PTPRG: variants seen among roughly 807,000 people sequenced by gnomAD.
PTPRG encodes receptor-type tyrosine-protein phosphatase gamma.
Under a neutral mutation model 165.3 loss-of-function variants are expected in PTPRG, and 102 were observed. The ratio of observed to expected loss-of-function variants is 0.62; its 90% CI spans 0.53 to 0.73. The LOEUF (loss-of-function observed/expected upper bound fraction) is 0.73, where lower values mean the gene tolerates loss of function less well. PTPRG is among the 30% of genes least tolerant of loss of function. The pLI is 0.00. For missense variants in PTPRG, 1,866 were observed against 1,861.4 expected, an observed-to-expected ratio of 1.00 and a Z score of -0.05; for synonymous variants, 675 against 669.5, an observed-to-expected ratio of 1.01 and a Z score of -0.13.
chr3:62,168,767 C>T (rs145963971), intron 8 of PTPRG, among the ~76,000 whole-genome samples: 16 of 152,284 alleles, frequency 1.1e-4, no homozygotes, highest in African/African-American at 3.8e-4. Flanking sequence ...TCAGCCTTGC[C>T]GTCTGTGGAC....
Position 62,255,207 on chromosome 3 carries a change from G to A in PTPRG, c.2551G>A (p.Asp851Asn). 1 of 1,611,030 alleles carries A rather than the reference G, an allele frequency of 6.2e-7. No individual in the cohort carries two copies. Among genetic ancestry groups the A allele is most frequent in the Non-Finnish European group, 8.5e-7 (1 of 1,178,298 alleles). Residue 851 changes from aspartate (D) to asparagine (N), a missense_variant, in exon 16 of 30, where the codon GAT (aspartate) becomes AAT (asparagine). By Grantham distance (23) the Asp-to-Asn change is conservative (BLOSUM62 1). Transcript: ENST00000474889. The surrounding 1 kb of genome is among the most constrained non-coding windows in gnomAD (Gnocchi z 4.0). Reference sequence around the variant, plus strand: ...TAATAACCAGCATGGGTTCTCTGAGGATTTTGAGGTATGTTTCAAGGCTGG... The same window carrying A: ...TAATAACCAGCATGGGTTCTCTGAGAATTTTGAGGTATGTTTCAAGGCTGG... Reference protein sequence around the residue: ...YSNNQHGFSEDFEEVQRCTAD... With the variant: ...YSNNQHGFSENFEEVQRCTAD...
chr3:61,699,639 G>A (rs1312426105), intron 1 of PTPRG, among the ~76,000 whole-genome samples: 2 of 152,170 alleles, frequency 1.3e-5, no homozygotes, highest in East Asian at 3.8e-4. Flanking sequence ...TCATGTGGTA[G>A]GTGTTTATGA....
chr3:61,876,401 G>T (rs662143), intron 2 of PTPRG, among the ~76,000 whole-genome samples: 64,111 of 152,006 alleles, frequency 0.42, 14,706 homozygotes, highest in East Asian at 0.61. Flanking sequence ...TCATTCAGTT[G>T]ATGAGTTAAT....
chr3:61,702,022 A>T (rs1427335040), intron 1 of PTPRG, among the ~76,000 whole-genome samples: 1 of 152,178 alleles, frequency 6.6e-6, no homozygotes, highest in Non-Finnish European at 1.5e-5. Context: ...TCTGTTGCCC[A>T]GGCTGGAGTG....
chr3:62,289,774 A>G (rs1406809312), intron 28 of PTPRG, among the ~76,000 whole-genome samples: 1 of 146,048 alleles, frequency 6.8e-6, no homozygotes, highest in African/African-American at 2.5e-5. Context: ...TATTTACCAG[A>G]TGTATATTAG....
intron 2 of PTPRG, among the ~76,000 whole-genome samples, chr3:61,757,661 A>T (rs200369211): frequency 6.6e-6 from 1 of 152,240 alleles, no homozygotes; most frequent in Non-Finnish European, 1.5e-5. Context: ...TAAGGTCAAT[A>T]TTTACTTTGA....
intron 2 of PTPRG, among the ~76,000 whole-genome samples, chr3:61,959,079 T>C (rs536475992): frequency 6.6e-6 from 1 of 152,240 alleles, no homozygotes; most frequent in Non-Finnish European, 1.5e-5. Context: ...TCAGTCTGAT[T>C]ATCAAGCTTT....
In PTPRG at chr3:61,939,928, CTTTTTTTTTTTTTTTTT is replaced by C. The variant is rs561334410; in HGVS notation, c.191-49677_191-49661del. On this transcript the variant is annotated intron_variant, in intron 2 of 29. Coordinates refer to ENST00000474889, the MANE Select transcript of PTPRG (RefSeq NM_002841.4). ...TGTCTTGGCTTCCTTACTGACTTGT[CTTTTTTTTTTTTTTTTT>C]TTTTTTTTTTTTTTTTTTTGAGACA... is the stretch of plus-strand genomic sequence containing the variant. Among the ~76,000 whole-genome samples the C allele has an allele frequency of 5.2e-3, 204 of 39,142 alleles. 3 individuals carry two copies. Among genetic ancestry groups the C allele is most frequent in the South Asian group, 0.013 (8 of 614 alleles). 25.7% of individuals were successfully genotyped at this position (39,142 alleles called of 152,430 possible). A position where few individuals can be genotyped will look rare whatever the true frequency, so the allele number is the denominator to read the frequency against.
chr3:61,787,910 A>G (rs1345417936), intron 2 of PTPRG, among the ~76,000 whole-genome samples: 1 of 152,160 alleles, frequency 6.6e-6, no homozygotes, highest in Admixed American at 6.5e-5. Context: ...TTATTCCCTC[A>G]AGGATATCGT....
chr3:61,687,121 A>G (rs774201367), intron 1 of PTPRG, among the ~76,000 whole-genome samples: 37 of 152,208 alleles, frequency 2.4e-4, no homozygotes, highest in Non-Finnish European at 1.0e-4. Context: ...CTACCCTGAA[A>G]TGAAACCAAG....
chr3:62,293,235 A>G lies in PTPRG; in HGVS notation c.4266A>G (p.Thr1422=), dbSNP rs767399917. 6.2e-7 allele frequency: 1 copy of G among 1,612,170 alleles called. No homozygotes were observed. Residue 1422 remains threonine (T), a synonymous_variant, in exon 30 of 30, where the codon ACA becomes ACG. Transcript: ENST00000474889. ...STKENGNGPM[T]VDKNGAVLIA... ...AAGAAAATGGAAATGGTCCCATGACAGTAGACAAAAATGGTGCTGTTCTTA... is the reference window on the plus strand; with the variant it reads ...AAGAAAATGGAAATGGTCCCATGACGGTAGACAAAAATGGTGCTGTTCTTA...
intron 10 of PTPRG, among the ~76,000 whole-genome samples, chr3:62,199,918 C>T (rs1330501746): frequency 1.3e-5 from 2 of 152,132 alleles, no homozygotes; most frequent in African/African-American, 4.8e-5. Flanking sequence ...ATTATTCACC[C>T]TCAAAAAGGA....
rs958819313 is a variant in PTPRG, at chr3:62,254,734, AAAAC to A, written c.2468-387_2468-384del. ...GACTCCATTGAACAGCAATTAAAAA[AAAAC>A]AACAACAACAACAACAAAGAAAACC... On this transcript the variant is annotated intron_variant, in intron 15 of 29. Transcript: ENST00000474889. The surrounding 1 kb of genome is among the most constrained non-coding windows in gnomAD (Gnocchi z 4.6). Among the ~76,000 whole-genome samples, 16 of 152,156 alleles carry A rather than the reference AAAAC, an allele frequency of 1.1e-4. No homozygotes were observed. Among genetic ancestry groups the A allele is most frequent in the African/African-American group, 3.4e-4 (14 of 41,436 alleles).
intron 2 of PTPRG, among the ~76,000 whole-genome samples, chr3:61,953,535 G>T (rs1159106591): frequency 6.6e-6 from 1 of 152,166 alleles, no homozygotes; most frequent in Non-Finnish European, 1.5e-5. Flanking sequence ...AATTAAGGTT[G>T]TATATTGCAA....
At chr3:62,015,987 G>A (rs1364268847) in intron 4 of PTPRG, among the ~76,000 whole-genome samples, 1 of 152,048 alleles carries the variant, frequency 6.6e-6, no homozygotes, top group African/African-American at 2.4e-5. Context: ...CAAATCTTGT[G>A]TAATACCTAT....
chr3:61,990,724 AG>A (rs1337734245), intron 3 of PTPRG, among the ~76,000 whole-genome samples: 1 of 152,078 alleles, frequency 6.6e-6, no homozygotes, highest in Non-Finnish European at 1.5e-5. Flanking sequence ...CATTAAAGCA[AG>A]TTTTTTTTTC....
intron 28 of PTPRG, among the ~76,000 whole-genome samples, chr3:62,285,419 C>A (rs1054803108): frequency 6.8e-6 from 1 of 147,916 alleles, no homozygotes; most frequent in Admixed American, 7.0e-5. Flanking sequence ...CGCATTTGAT[C>A]TGTGAGGCAG....
At chr3:61,867,430 G>C (rs533924041) in intron 2 of PTPRG, among the ~76,000 whole-genome samples, 1 of 152,250 alleles carries the variant, frequency 6.6e-6, no homozygotes, top group South Asian at 2.1e-4. Flanking sequence ...ATTCCAAGGC[G>C]AGTCTTTTCC....
At chr3:61,753,663 C>A (rs1575635594) in intron 2 of PTPRG, 1 of 425,298 alleles carries the variant, frequency 2.4e-6, no homozygotes, top group Non-Finnish European at 4.6e-6. Context: ...CAGCTCACTG[C>A]AACCCCCCAA....
Sources: gnomAD v4.1 joint callset for allele counts (sites outside exome capture counted in the v4.1 genomes callset) on GRCh38, gnomAD v4.1.1 for gene constraint, Gnocchi (gnomAD v3.1) non-coding constraint, MANE v1.5 for transcripts, NCBI Gene and HGNC (gene_info 2026-07-23, HGNC 2026-07-21) for gene names.